Variants in CHCHD3 observed in about 807,000 individuals in gnomAD.
CHCHD3 encodes the protein MICOS complex subunit MIC19.
Under a neutral mutation model 38.2 loss-of-function variants are expected in CHCHD3, and 20 were observed. The observed-to-expected ratio is 0.52, with a 90% CI of 0.37 to 0.76. The LOEUF is 0.76. Among genes scored for constraint, CHCHD3 ranks in the 30% least tolerant of loss-of-function variants. The pLI is 0.00. For missense variants in CHCHD3, 245 were observed against 279.2 expected, an observed-to-expected ratio of 0.88 and a Z score of 0.87; for synonymous variants, 82 against 100.0, an observed-to-expected ratio of 0.82 and a Z score of 1.07.
chr7:132,916,014 T>G (rs1400421631), intron 4 of CHCHD3, among the ~76,000 whole-genome samples: 2 of 151,750 alleles, frequency 1.3e-5, no homozygotes, highest in Non-Finnish European at 2.9e-5. Flanking sequence ...CACTGCAGAA[T>G]CAATACATAT....
At chr7:133,081,154 G>A (rs1164684192) in intron 1 of CHCHD3, among the ~76,000 whole-genome samples, 1 of 152,140 alleles carries the variant, frequency 6.6e-6, no homozygotes, top group African/African-American at 2.4e-5. Flanking sequence ...TACTTCTACT[G>A]GTATGAAAAA....
At chr7:132,956,563 C>T (rs1448122359) in intron 4 of CHCHD3, among the ~76,000 whole-genome samples, 1 of 152,158 alleles carries the variant, frequency 6.6e-6, no homozygotes, top group East Asian at 1.9e-4. Context: ...CACATAAGTA[C>T]AATATAATGT....
chr7:132,801,384 G>A (rs1202971409), intron 6 of CHCHD3, among the ~76,000 whole-genome samples: 2 of 152,156 alleles, frequency 1.3e-5, no homozygotes, highest in Non-Finnish European at 2.9e-5. Flanking sequence ...CATTTGAGCT[G>A]TAATCAAATT....
intron 3 of CHCHD3, among the ~76,000 whole-genome samples, chr7:132,999,344 T>C (rs530550567): frequency 6.6e-6 from 1 of 152,322 alleles, no homozygotes; most frequent in South Asian, 2.1e-4. Context: ...CAAATGATTA[T>C]TGTGGAATCC....
intron 2 of CHCHD3, among the ~76,000 whole-genome samples, chr7:133,052,728 G>A (rs1455801770): frequency 2.6e-5 from 4 of 152,164 alleles, no homozygotes; most frequent in Non-Finnish European, 5.9e-5. Flanking sequence ...GAACTCAGAT[G>A]TTGGAATCCA....
intron 4 of CHCHD3, among the ~76,000 whole-genome samples, chr7:132,948,780 G>A (rs911798824): frequency 4.5e-4 from 69 of 152,082 alleles, no homozygotes; most frequent in African/African-American, 1.5e-3. Context: ...TAATTAAAAC[G>A]GCTGCTTAGA....
intron 5 of CHCHD3, among the ~76,000 whole-genome samples, chr7:132,843,233 T>G (rs1269102347): frequency 1.3e-5 from 2 of 151,960 alleles, no homozygotes; most frequent in African/African-American, 4.8e-5. Context: ...TGGTTCAAGG[T>G]CTATGGACCA....
In CHCHD3 at chr7:133,010,356, G is replaced by A. The variant is rs576295024; in HGVS notation, c.251+14190C>T. Among the ~76,000 whole-genome samples the A allele has an allele frequency of 2.0e-5, 3 of 152,262 alleles. No individual in the cohort carries two copies. In the East Asian group the frequency reaches 5.8e-4, roughly 29 times the overall value. ...CATCAGAGGGCTCTCGGGGAGTTCA[G>A]AGCTAATATATACAAATATATGCAC... is the stretch of plus-strand genomic sequence containing the variant. On this transcript the variant is annotated intron_variant, in intron 3 of 7. Coordinates refer to ENST00000262570, the MANE Select transcript of CHCHD3 (RefSeq NM_017812.4).
Position 132,910,425 on chromosome 7 carries a change from C to T in CHCHD3, c.370-24680G>A, listed in dbSNP as rs1809917015. On this transcript the variant is annotated intron_variant, in intron 4 of 7. Transcript: ENST00000262570. Reference sequence around the variant, plus strand: ...AGACACAAGTAGGTTTAACTAAATGCATACTCTTTATTCCTTAACTTTCTT... The same window carrying T: ...AGACACAAGTAGGTTTAACTAAATGTATACTCTTTATTCCTTAACTTTCTT... Among the ~76,000 whole-genome samples, 3 of 152,164 alleles carry T rather than the reference C, an allele frequency of 2.0e-5. No homozygotes were observed. The South Asian group carries it at 6.2e-4, about 32-fold the overall frequency.
At chr7:132,925,128 C>T (rs952667295) in intron 4 of CHCHD3, among the ~76,000 whole-genome samples, 5 of 151,680 alleles carry the variant, frequency 3.3e-5, no homozygotes, top group African/African-American at 1.2e-4. Flanking sequence ...ATTCTCAAAA[C>T]ACAAAACAAT....
chr7:132,922,563 T>C (rs1052280434), intron 4 of CHCHD3, among the ~76,000 whole-genome samples: 17 of 151,096 alleles, frequency 1.1e-4, no homozygotes, highest in Non-Finnish European at 1.9e-4. Flanking sequence ...CTCTATACTT[T>C]TTTTTTTTTT....
intron 3 of CHCHD3, among the ~76,000 whole-genome samples, chr7:133,021,094 T>C (rs549922621): frequency 6.6e-6 from 1 of 152,244 alleles, no homozygotes; most frequent in African/African-American, 2.4e-5. Context: ...TCTCCAAACA[T>C]TGTCAAATGC....
chr7:133,060,937 G>A (rs577938940), intron 2 of CHCHD3, among the ~76,000 whole-genome samples: 1 of 152,186 alleles, frequency 6.6e-6, no homozygotes, highest in East Asian at 1.9e-4. Flanking sequence ...AAAAGGATAA[G>A]TCTGAGGATA....
intron 5 of CHCHD3, among the ~76,000 whole-genome samples, chr7:132,850,287 G>C (rs7799045): frequency 0.52 from 79,395 of 151,884 alleles, 20,857 homozygotes; most frequent in South Asian, 0.58. Flanking sequence ...CTCCTGGGTG[G>C]CTTGGCAAAA....
At chr7:132,973,172 T>C in intron 4 of CHCHD3, 1 of 985,134 alleles carries the variant, frequency 1.0e-6, no homozygotes, top group Non-Finnish European at 1.2e-6. Context: ...CAAAAAGAGG[T>C]GGAGAAAGAG....
chr7:132,823,535 C>T (rs1807435403), intron 6 of CHCHD3, among the ~76,000 whole-genome samples: 1 of 152,178 alleles, frequency 6.6e-6, no homozygotes. Context: ...ATTTCATATC[C>T]TTTTCGCTAC....
chr7:132,993,779 G>C (rs973266548), intron 3 of CHCHD3, among the ~76,000 whole-genome samples: 1 of 152,160 alleles, frequency 6.6e-6, no homozygotes, highest in Admixed American at 6.5e-5. Flanking sequence ...GGTTATCTCA[G>C]GAACAGTCAC....
intron 2 of CHCHD3, among the ~76,000 whole-genome samples, chr7:133,062,036 C>T (rs79143202): frequency 0.013 from 1,930 of 152,156 alleles, 17 homozygotes; most frequent in Middle Eastern, 0.048. Context: ...CTGAATAAAC[C>T]AGGGAGGCAG....
chr7:132,948,427 G>A (rs113550807), intron 4 of CHCHD3, among the ~76,000 whole-genome samples: 198 of 152,216 alleles, frequency 1.3e-3, no homozygotes, highest in African/African-American at 4.6e-3. Flanking sequence ...GGGTAGGATC[G>A]AAACTTCGAT....
Sources: gnomAD v4.1 joint callset for allele counts (sites outside exome capture counted in the v4.1 genomes callset) on GRCh38, gnomAD v4.1.1 for gene constraint, MANE v1.5 for transcripts, NCBI Gene and HGNC (gene_info 2026-07-23, HGNC 2026-07-21) for gene names.